The following CCDC148 variants were observed in gnomAD, a reference collection of about 807,000 sequenced individuals.
The protein encoded by CCDC148 is coiled-coil domain containing 148, also known as coiled-coil domain-containing protein 148.
A neutral mutation model predicts 85.7 loss-of-function variants in CCDC148; 89 were observed. The ratio of observed to expected loss-of-function variants is 1.04; its 90% CI spans 0.87 to 1.24. The LOEUF is 1.24. Among genes scored for constraint, CCDC148 ranks in the 50% most tolerant of loss-of-function variants. The pLI, the probability that CCDC148 is intolerant of heterozygous loss-of-function variation, is 0.00. For synonymous variants in CCDC148, 230 were observed against 213.9 expected, an observed-to-expected ratio of 1.08 and a Z score of -0.66; for missense variants, 692 against 671.7, an observed-to-expected ratio of 1.03 and a Z score of -0.33.
At chr2:158,430,687 T>G (rs1442406172) in intron 1 of CCDC148, among the ~76,000 whole-genome samples, 4 of 152,184 alleles carry the variant, frequency 2.6e-5, no homozygotes, top group African/African-American at 9.6e-5. Context: ...GATTTGATTA[T>G]ATGAATGTAT....
chr2:158,420,559 G>T (rs1057495959), intron 1 of CCDC148, among the ~76,000 whole-genome samples: 6 of 152,014 alleles, frequency 3.9e-5, no homozygotes, highest in Non-Finnish European at 8.8e-5. Flanking sequence ...TCACCACCAG[G>T]CCTGCCTTAC....
At chr2:158,278,156 C>T (rs1009280406) in intron 9 of CCDC148, among the ~76,000 whole-genome samples, 2 of 151,970 alleles carry the variant, frequency 1.3e-5, no homozygotes, top group African/African-American at 2.4e-5. Context: ...CCAAGATGGC[C>T]GAATAGGAAC....
intron 2 of CCDC148, among the ~76,000 whole-genome samples, chr2:158,347,108 T>C (rs1683031950): frequency 1.3e-5 from 2 of 152,196 alleles, no homozygotes; most frequent in Admixed American, 1.3e-4. Context: ...ACTTTAACGT[T>C]CACTTTAAGA....
intron 1 of CCDC148, among the ~76,000 whole-genome samples, chr2:158,412,838 ATTAT>A (rs1390298568): frequency 1.9e-5 from 2 of 107,874 alleles, no homozygotes; most frequent in Non-Finnish European, 4.1e-5. Flanking sequence ...TATTATTATT[ATTAT>A]TATTATTATT....
chr2:158,210,025 TAA>T (rs1477422063), intron 11 of CCDC148, among the ~76,000 whole-genome samples: 6 of 152,120 alleles, frequency 3.9e-5, no homozygotes, highest in East Asian at 1.9e-4. Flanking sequence ...GCAAATTGGA[TAA>T]AGAGTCACGA....
At chr2:158,368,655 T>C (rs1018304637) in intron 1 of CCDC148, among the ~76,000 whole-genome samples, 1 of 152,114 alleles carries the variant, frequency 6.6e-6, no homozygotes, top group African/African-American at 2.4e-5. Flanking sequence ...AAATTTCTTA[T>C]AGCACAGGAA....
At chr2:158,330,892 T>C (rs992722456) in intron 7 of CCDC148, among the ~76,000 whole-genome samples, 3 of 152,162 alleles carry the variant, frequency 2.0e-5, no homozygotes, top group Non-Finnish European at 4.4e-5. Context: ...TATTTGATTC[T>C]CCTCTCTTTT....
At chr2:158,340,444 C>G (rs1489214202) in intron 4 of CCDC148, 51 bp from the exon 5 acceptor site, 1 of 1,577,930 alleles carries the variant, frequency 6.3e-7, no homozygotes, top group Non-Finnish European at 8.6e-7. Context: ...TTTTAAGTGT[C>G]TCCAAAAACA....
intron 1 of CCDC148, among the ~76,000 whole-genome samples, chr2:158,451,066 C>T (rs1688387018): frequency 6.6e-6 from 1 of 152,100 alleles, no homozygotes; most frequent in Non-Finnish European, 1.5e-5. Context: ...GTTCTGCCAT[C>T]ACAAATTTGC....
chr2:158,343,802 G>A (rs1264914964), intron 3 of CCDC148, among the ~76,000 whole-genome samples: 3 of 152,036 alleles, frequency 2.0e-5, no homozygotes, highest in African/African-American at 7.2e-5. Flanking sequence ...ATTGCAATTA[G>A]CCTGCATTCT....
intron 3 of CCDC148, among the ~76,000 whole-genome samples, chr2:158,341,626 A>T (rs2105244450): frequency 1.6e-5 from 1 of 62,774 alleles, no homozygotes; most frequent in Admixed American, 1.8e-4. Flanking sequence ...ACATATTTTT[A>T]AAATATAGTC....
chr2:158,313,404 TC>T (rs1233058115), intron 8 of CCDC148, among the ~76,000 whole-genome samples: 1 of 152,180 alleles, frequency 6.6e-6, no homozygotes, highest in Non-Finnish European at 1.5e-5. Context: ...CATTTCACTT[TC>T]AGGCAAGACC....
chr2:158,204,368 T>G (rs535924510), intron 11 of CCDC148, among the ~76,000 whole-genome samples: 4 of 152,282 alleles, frequency 2.6e-5, no homozygotes, highest in Admixed American at 2.6e-4. Context: ...TATAATTACT[T>G]TGACCAGTGG....
chr2:158,175,151 C>T (rs1684514758), intron 13 of CCDC148, among the ~76,000 whole-genome samples: 1 of 152,010 alleles, frequency 6.6e-6, no homozygotes, highest in Non-Finnish European at 1.5e-5. Context: ...TCCGCTTGGT[C>T]AAACCCAGAG....
chr2:158,294,002 C>CTCCTTCCTTCCT (rs1185894027), intron 9 of CCDC148, among the ~76,000 whole-genome samples: 21 of 15,226 alleles, frequency 1.4e-3, no homozygotes, highest in African/African-American at 3.5e-3. Flanking sequence ...CCCTCCCTCC[C>CTCCTTCCTTCCT]TCCTTCCTTC....
chr2:158,199,771 T>C (rs773534398), intron 11 of CCDC148, among the ~76,000 whole-genome samples: 28 of 152,200 alleles, frequency 1.8e-4, no homozygotes, highest in African/African-American at 5.8e-4. Context: ...TAGATCATTA[T>C]TGGGAACGAG....
chr2:158,398,499 A>C (rs1243752284), intron 1 of CCDC148, among the ~76,000 whole-genome samples: 1 of 152,182 alleles, frequency 6.6e-6, no homozygotes, highest in African/African-American at 2.4e-5. Flanking sequence ...AACTACATGG[A>C]AACTGAACAA....
chr2:158,426,406 G>GTAGTA (rs1219614074), intron 1 of CCDC148, among the ~76,000 whole-genome samples: 17 of 152,154 alleles, frequency 1.1e-4, no homozygotes, highest in Non-Finnish European at 1.6e-4. Context: ...TGTAGTTAGT[G>GTAGTA]AATAAACTTG....
chr2:158,216,965 A>G (rs944294268), intron 11 of CCDC148, among the ~76,000 whole-genome samples: 3 of 152,158 alleles, frequency 2.0e-5, no homozygotes, highest in African/African-American at 7.2e-5. Context: ...ACTGAAGCAC[A>G]GGGAAGTTAA....
Sources: allele counts gnomAD v4.1 joint callset (sites outside exome capture counted in the v4.1 genomes callset), GRCh38; gene constraint gnomAD v4.1.1; transcripts MANE v1.5; gene names NCBI Gene and HGNC (gene_info 2026-07-23, HGNC 2026-07-21).